GALNT15: variants seen among roughly 807,000 people sequenced by gnomAD.
The protein encoded by GALNT15 is UDP-GalNAc transferase T15.
Under a neutral mutation model 66.8 loss-of-function variants are expected in GALNT15, and 67 were observed. The ratio of observed to expected loss-of-function variants is 1.00; its 90% confidence interval spans 0.82 to 1.23. The LOEUF (loss-of-function observed/expected upper bound fraction) is 1.23. Ranked by LOEUF, GALNT15 falls within the 50% of genes most tolerant of loss-of-function variation. GALNT15 has a pLI of 0.00. For missense variants in GALNT15, 827 were observed against 804.3 expected (o/e 1.03, Z -0.34); for synonymous variants, 313 against 311.5 (o/e 1.00, Z -0.05).
chr3:16,183,916 G>C lies in GALNT15; in HGVS notation c.539+8226G>C, dbSNP rs2063493411. The stretch of plus-strand genomic sequence containing the variant: ...GATCCTGGAGCTGCAGGAAAAGAGG[G>C]TGTGCATCTGTATGTAAACACAAGA... On this transcript the variant is annotated intron_variant, in intron 1 of 9. Coordinates refer to ENST00000339732, the MANE Select transcript of GALNT15 (RefSeq NM_054110.5). This position sits in a 1 kb window ranked among gnomAD's most constrained non-coding sequence, Gnocchi z 5.2. Among the ~76,000 whole-genome samples, 1 of 152,154 alleles carries C rather than the reference G, an allele frequency of 6.6e-6. No homozygotes were observed. The highest frequency in any genetic ancestry group is 2.4e-5 in the African/African-American group (1 of 41,430).
At chr3:16,232,505 TATA>T (rs1559698425), downstream of GALNT15, among the ~76,000 whole-genome samples, 27 of 85,914 alleles carry the variant, frequency 3.1e-4, 2 homozygotes, top group African/African-American at 1.3e-3. Flanking sequence ...TATATATATA[TATA>T]TATTTATTTA....
chr3:16,224,259 T>C lies in GALNT15; in HGVS notation c.1773+1501T>C, dbSNP rs842276. Among the ~76,000 whole-genome samples the C allele has an allele frequency of 0.39, 58,710 of 151,964 alleles. 11,620 individuals are homozygous for C. The highest frequency in any genetic ancestry group is 0.46 in the African/African-American group (19,179 of 41,404). On this transcript the variant is annotated intron_variant, in intron 9 of 9. Coordinates refer to ENST00000339732, the MANE Select transcript of GALNT15 (RefSeq NM_054110.5). This position sits in a 1 kb window ranked among gnomAD's most constrained non-coding sequence, Gnocchi z 5.2. ...GGCACTGTTGACAATAGCCAAGAAG[T>C]GAAAGCAACCCAGGTGTCCACCATG...
At chr3:16,199,244 GTTATTC>G (rs10576011) in intron 2 of GALNT15, among the ~76,000 whole-genome samples, 2,617 of 141,684 alleles carry the variant, frequency 0.018, 412 homozygotes, top group African/African-American at 0.064. Flanking sequence ...ACACAATCAA[GTTATTC>G]TTATCTTAAA....
chr3:16,185,258 A>C (rs2063505850), intron 1 of GALNT15, among the ~76,000 whole-genome samples: 1 of 152,114 alleles, frequency 6.6e-6, no homozygotes, highest in Non-Finnish European at 1.5e-5. Flanking sequence ...CTGTTTCCTT[A>C]CTCTGAGCTT....
Position 16,184,552 on chromosome 3 carries a change from G to T in GALNT15, c.539+8862G>T, listed in dbSNP as rs556564599. On this transcript the variant is annotated intron_variant, in intron 1 of 9. Coordinates refer to ENST00000339732, the MANE Select transcript of GALNT15 (RefSeq NM_054110.5). This position sits in a 1 kb window ranked among gnomAD's most constrained non-coding sequence, Gnocchi z 5.0. Reference sequence around the variant, plus strand: ...CTTCAGGTCTTGGCTTTGATTTCACGTCCCTACATCCAGAACGTCTCACTA... The same window carrying T: ...CTTCAGGTCTTGGCTTTGATTTCACTTCCCTACATCCAGAACGTCTCACTA... Among the ~76,000 whole-genome samples, 1 of 152,134 alleles carries T rather than the reference G, an allele frequency of 6.6e-6. No individual in the cohort carries two copies. The highest frequency in any genetic ancestry group is 1.5e-5 in the Non-Finnish European group (1 of 68,036).
Position 16,219,258 on chromosome 3 carries a change from C to G in GALNT15, c.1393-145C>G. Reference sequence around the variant, plus strand: ...TTCTTCTCCCAACACATGACCCTCCCCACTGCAGCCCTGGAGAACTGTGGT... The same window carrying G: ...TTCTTCTCCCAACACATGACCCTCCGCACTGCAGCCCTGGAGAACTGTGGT... On this transcript the variant is annotated intron_variant, in intron 6 of 9. Transcript: ENST00000339732. This position sits in a 1 kb window ranked among gnomAD's most constrained non-coding sequence, Gnocchi z 4.3. The G allele has an allele frequency of 1.1e-6, 1 of 927,124 alleles. No individual in the cohort carries two copies. The highest frequency in any genetic ancestry group is 1.7e-6 in the Non-Finnish European group (1 of 604,546). The allele number at this position is 927,124 out of a possible 1,614,324, so 57.4% of individuals were successfully genotyped here. A position where few individuals can be genotyped will look rare whatever the true frequency, so the allele number is the denominator to read the frequency against.
chr3:16,238,111 C>G, the GALNT15 span, among the ~76,000 whole-genome samples: 1 of 152,210 alleles, frequency 6.6e-6, no homozygotes, highest in Non-Finnish European at 1.5e-5. This position sits in a 1 kb window ranked among gnomAD's most constrained non-coding sequence, Gnocchi z 4.8. Context: ...GAGCCATGGT[C>G]TACACTTCCT....
At position 16,225,046 on chromosome 3, in the gene GALNT15, G is replaced by A. The variant is rs2063991444; in HGVS notation, c.1773+2288G>A. ...TGCAGGCTGTATAGGAAGCATAGTG[G>A]CATCTGCTTCTGGGGAGGCCTCAGA... On this transcript the variant is annotated intron_variant, in intron 9 of 9. Transcript: ENST00000339732. This position sits in a 1 kb window ranked among gnomAD's most constrained non-coding sequence, Gnocchi z 4.4. Among the ~76,000 whole-genome samples the A allele has an allele frequency of 6.6e-6, 1 of 152,158 alleles. No individual in the cohort carries two copies. The highest frequency in any genetic ancestry group is 1.5e-5 in the Non-Finnish European group (1 of 68,024).
At chr3:16,196,677 A>C (rs1411018652) in intron 2 of GALNT15, among the ~76,000 whole-genome samples, 2 of 152,174 alleles carry the variant, frequency 1.3e-5, no homozygotes, top group East Asian at 3.9e-4. Context: ...AGTGGGGCCG[A>C]AGAATTTGCA....
chr3:16,227,207 G>A lies in GALNT15; in HGVS notation c.1774-147G>A, dbSNP rs1021674787. On this transcript the variant is annotated intron_variant, in intron 9 of 9. Coordinates refer to ENST00000339732, the MANE Select transcript of GALNT15 (RefSeq NM_054110.5). This position sits in a 1 kb window ranked among gnomAD's most constrained non-coding sequence, Gnocchi z 4.5. ...TAGGGCTACCTAATTTATATTTTAT[G>A]TTGATCAAAATACCACAATTCCTTT... 2.4e-6 allele frequency: 2 copies of A among 840,432 alleles called. No homozygotes were observed. Among genetic ancestry groups the A allele is most frequent in the Non-Finnish European group, 3.6e-6 (2 of 561,486 alleles). 52.1% of individuals were successfully genotyped at this position (840,432 alleles called of 1,614,324 possible).
intron 1 of GALNT15, among the ~76,000 whole-genome samples, chr3:16,194,128 G>A (rs6788325): frequency 0.032 from 4,893 of 152,316 alleles, 255 homozygotes; most frequent in African/African-American, 0.11. Context: ...AGCAATGTGA[G>A]CTTTGATGTC....
chr3:16,192,411 C>T (rs559884568), intron 1 of GALNT15, among the ~76,000 whole-genome samples: 1 of 152,324 alleles, frequency 6.6e-6, no homozygotes, highest in East Asian at 1.9e-4. Context: ...AAACTCCTTT[C>T]CTATCTCAGT....
rs570908905 is a variant in GALNT15, at chr3:16,187,876, C to T, written c.540-7884C>T. Among the ~76,000 whole-genome samples the T allele has an allele frequency of 2.6e-5, 4 of 152,286 alleles. No homozygotes were observed. The highest frequency in any genetic ancestry group is 3.4e-3 in the Middle Eastern group (1 of 294). On this transcript the variant is annotated intron_variant, in intron 1 of 9. Transcript: ENST00000339732. The surrounding 1 kb of genome is among the most constrained non-coding windows in gnomAD (Gnocchi z 5.1). ...GGCTATGATAAATATTAATAAGACA[C>T]CTGCATCACAGGTGCTACCCTATTC...
In GALNT15 at chr3:16,229,875, G is replaced by A; in HGVS notation, c.*2375G>A. 7.4e-6 allele frequency: 3 copies of A among 404,722 alleles called. No homozygotes were observed. The highest frequency in any genetic ancestry group is 1.0e-5 in the Non-Finnish European group (3 of 299,348). 25.1% of individuals were successfully genotyped at this position (404,722 alleles called of 1,614,324 possible). A position where few individuals can be genotyped will look rare whatever the true frequency, so the allele number is the denominator to read the frequency against. ...CATGATTTATTACTTTATTGCAGAA[G>A]TGGCTGTCAACTCAGTCCCTGGCTG... On this transcript the variant is annotated 3_prime_UTR_variant, in exon 10 of 10. Coordinates refer to ENST00000339732, the MANE Select transcript of GALNT15 (RefSeq NM_054110.5).
At position 16,186,636 on chromosome 3, in the gene GALNT15, A is replaced by C. The variant is rs775164034; in HGVS notation, c.540-9124A>C. 6.6e-6 allele frequency among the ~76,000 whole-genome samples: 1 copy of C among 152,260 alleles called. No homozygotes were observed. The highest frequency in any genetic ancestry group is 1.5e-5 in the Non-Finnish European group (1 of 68,046). On this transcript the variant is annotated intron_variant, in intron 1 of 9. Coordinates refer to ENST00000339732, the MANE Select transcript of GALNT15 (RefSeq NM_054110.5). This position sits in a 1 kb window ranked among gnomAD's most constrained non-coding sequence, Gnocchi z 5.1. ...AAATGAAGTACTGATATAGACTACA[A>C]CATGATTAAGCTTGAAAACATTATG...
intron 1 of GALNT15, among the ~76,000 whole-genome samples, chr3:16,185,055 A>C (rs2063504307): frequency 6.6e-6 from 1 of 152,164 alleles, no homozygotes; most frequent in African/African-American, 2.4e-5. Context: ...GCCCAAGAGG[A>C]TATGGGCAGG....
At chr3:16,179,932 C>T (rs1453734629) in intron 1 of GALNT15, among the ~76,000 whole-genome samples, 1 of 152,198 alleles carries the variant, frequency 6.6e-6, no homozygotes. Context: ...CATTTAGCCT[C>T]CTGTAGCACG....
intron 8 of GALNT15, among the ~76,000 whole-genome samples, chr3:16,222,219 C>A (rs2063949631): frequency 6.6e-6 from 1 of 152,160 alleles, no homozygotes; most frequent in Admixed American, 6.5e-5. Flanking sequence ...CAACAAACGG[C>A]AGGAAAGTTA....
At chr3:16,220,235 A>G (rs931264284) in intron 8 of GALNT15, 2 of 554,364 alleles carry the variant, frequency 3.6e-6, no homozygotes, top group African/African-American at 3.8e-5. Context: ...AAATAAAAGC[A>G]TCTTAGTTAA....
Sources: allele counts gnomAD v4.1 joint callset (sites outside exome capture counted in the v4.1 genomes callset), GRCh38; gene constraint gnomAD v4.1.1; non-coding constraint Gnocchi (gnomAD v3.1); transcripts MANE v1.5; gene names NCBI Gene and HGNC (gene_info 2026-07-23, HGNC 2026-07-21).